Variants in CGNL1 observed in about 807,000 individuals in gnomAD.
CGNL1 encodes cingulin-like protein 1.
CGNL1 carries 132 observed loss-of-function variants against 141.2 expected under a neutral mutation model. The ratio of observed to expected loss-of-function variants is 0.93; its 90% CI spans 0.81 to 1.08. CGNL1 has a LOEUF of 1.08. CGNL1 is among the 50% of genes least tolerant of loss of function. CGNL1 has a pLI of 0.00. For synonymous variants in CGNL1, 690 were observed against 622.1 expected, an observed-to-expected ratio of 1.11 and a Z score of -1.63; for missense variants, 1,870 against 1,588.6, an observed-to-expected ratio of 1.18 and a Z score of -3.01.
intron 8 of CGNL1, among the ~76,000 whole-genome samples, chr15:57,503,422 C>G (rs2064055446): frequency 6.6e-6 from 1 of 152,144 alleles, no homozygotes; most frequent in Non-Finnish European, 1.5e-5. Context: ...GGTGACCTGG[C>G]TAGGGGTGGA....
chr15:57,475,127 G>A (rs2063635158), intron 8 of CGNL1, among the ~76,000 whole-genome samples: 1 of 152,068 alleles, frequency 6.6e-6, no homozygotes, highest in Non-Finnish European at 1.5e-5. Flanking sequence ...CCCCAACTGT[G>A]TTGCCCCCTT....
chr15:57,457,194 G>A (rs773314765), intron 7 of CGNL1, among the ~76,000 whole-genome samples: 5 of 152,142 alleles, frequency 3.3e-5, no homozygotes, highest in African/African-American at 4.8e-5. Context: ...TGCAAAAGAG[G>A]GTCTAGACTG....
At chr15:57,459,032 T>C (rs1474101966) in intron 7 of CGNL1, among the ~76,000 whole-genome samples, 1 of 152,206 alleles carries the variant, frequency 6.6e-6, no homozygotes, top group East Asian at 1.9e-4. Flanking sequence ...TCGGTTATAC[T>C]TAAATCAATA....
chr15:57,498,245 G>GTTTTTTTTT (rs56793548), intron 8 of CGNL1, among the ~76,000 whole-genome samples: 7 of 101,080 alleles, frequency 6.9e-5, no homozygotes, highest in Non-Finnish European at 7.4e-5. Flanking sequence ...TGGGGAAACA[G>GTTTTTTTTT]TTTTTTTTTT....
intron 1 of CGNL1, among the ~76,000 whole-genome samples, chr15:57,381,605 G>A (rs1950292585): frequency 6.6e-6 from 1 of 152,098 alleles, no homozygotes; most frequent in African/African-American, 2.4e-5. Flanking sequence ...AAGTTCGAGA[G>A]TACTCTGGTC....
At chr15:57,465,533 G>C (rs554871613) in intron 8 of CGNL1, among the ~76,000 whole-genome samples, 1 of 151,850 alleles carries the variant, frequency 6.6e-6, no homozygotes, top group South Asian at 2.1e-4. Flanking sequence ...TGGGATTACA[G>C]GCATGCGCCA....
At chr15:57,404,895 C>T (rs1439684872) in intron 1 of CGNL1, among the ~76,000 whole-genome samples, 2 of 152,246 alleles carry the variant, frequency 1.3e-5, no homozygotes, top group South Asian at 4.1e-4. Flanking sequence ...CCCTGAAGTT[C>T]CAACTATGCT....
At position 57,546,173 on chromosome 15, in the gene CGNL1, TGGAGGAGCA is replaced by T; in HGVS notation, c.3709_3717del (p.Glu1237_Gln1239del). ...TCTAAAAAGAAGCTGCAGAGGGAGC[TGGAGGAGCA>T]GATGGACATGAATGAGCATCTGCAG... On this transcript the variant is annotated inframe_deletion, in exon 18 of 19. Transcript: ENST00000281282. 1 of 1,611,228 alleles carries T rather than the reference TGGAGGAGCA, an allele frequency of 6.2e-7. No homozygotes were observed. Among genetic ancestry groups the T allele is most frequent in the Non-Finnish European group, 8.5e-7 (1 of 1,178,740 alleles).
At chr15:57,535,032 C>G (rs1474800226) in intron 14 of CGNL1, among the ~76,000 whole-genome samples, 1 of 152,180 alleles carries the variant, frequency 6.6e-6, no homozygotes, top group Admixed American at 6.5e-5. Context: ...GAATGGCCAA[C>G]CCCTCTCATA....
chr15:57,489,344 A>G (rs935306024), intron 8 of CGNL1, among the ~76,000 whole-genome samples: 1 of 152,224 alleles, frequency 6.6e-6, no homozygotes, highest in Non-Finnish European at 1.5e-5. Context: ...GTGATGTCAT[A>G]TATTTAGTTA....
intron 1 of CGNL1, among the ~76,000 whole-genome samples, chr15:57,426,023 G>C (rs1286263523): frequency 1.3e-5 from 2 of 152,098 alleles, no homozygotes; most frequent in African/African-American, 4.8e-5. Flanking sequence ...TATGTAGGCA[G>C]GGACCCCCCT....
chr15:57,396,209 C>T (rs368853117), intron 1 of CGNL1, among the ~76,000 whole-genome samples: 2 of 151,414 alleles, frequency 1.3e-5, no homozygotes, highest in South Asian at 2.1e-4. Flanking sequence ...ATCTCTTCTA[C>T]TGTTGATGGA....
chr15:57,522,327 A>G (rs2031319097), intron 10 of CGNL1, among the ~76,000 whole-genome samples: 2 of 152,232 alleles, frequency 1.3e-5, no homozygotes, highest in African/African-American at 4.8e-5. Flanking sequence ...GGCAGAGCAG[A>G]TCTGTTCCTA....
chr15:57,523,322 C>A (rs2031391640), intron 10 of CGNL1, among the ~76,000 whole-genome samples, 167 bp from the exon 11 acceptor site: 1 of 152,156 alleles, frequency 6.6e-6, no homozygotes, highest in Non-Finnish European at 1.5e-5. Flanking sequence ...ATTTCAGAAC[C>A]AACAATGCCC....
intron 1 of CGNL1, among the ~76,000 whole-genome samples, chr15:57,415,957 C>T (rs745802422): frequency 2.0e-5 from 3 of 152,136 alleles, no homozygotes; most frequent in Admixed American, 6.5e-5. Context: ...CTTTGCCGGC[C>T]GTGGGATCCC....
At chr15:57,414,999 A>G (rs1230841258) in intron 1 of CGNL1, among the ~76,000 whole-genome samples, 1 of 152,156 alleles carries the variant, frequency 6.6e-6, no homozygotes, top group East Asian at 1.9e-4. Context: ...ACAATGAAGA[A>G]TCTTCTGGGG....
intron 7 of CGNL1, among the ~76,000 whole-genome samples, chr15:57,457,677 A>T (rs1208328602): frequency 3.9e-5 from 6 of 152,178 alleles, no homozygotes; most frequent in African/African-American, 1.4e-4. Context: ...GTGAGAGCCA[A>T]GTGACAGGGG....
chr15:57,467,509 G>A (rs747847569), intron 8 of CGNL1, among the ~76,000 whole-genome samples: 1 of 152,048 alleles, frequency 6.6e-6, no homozygotes, highest in Admixed American at 6.5e-5. Flanking sequence ...CTTAAGGGGC[G>A]GGTGCAGAGA....
intron 12 of CGNL1, among the ~76,000 whole-genome samples, chr15:57,525,879 C>T (rs1372963748): frequency 6.6e-6 from 1 of 151,076 alleles, no homozygotes; most frequent in Non-Finnish European, 1.5e-5. Flanking sequence ...TCACAGTTCT[C>T]TTTGGTATTA....
Sources: allele counts gnomAD v4.1 joint callset (sites outside exome capture counted in the v4.1 genomes callset), GRCh38; gene constraint gnomAD v4.1.1; transcripts MANE v1.5; gene names NCBI Gene and HGNC (gene_info 2026-07-23, HGNC 2026-07-21).